Variants in TRAPPC6B observed in about 807,000 individuals in gnomAD.
TRAPPC6B encodes the protein trafficking protein particle complex subunit 6B.
A neutral mutation model predicts 24.7 loss-of-function variants in TRAPPC6B; 27 were observed. That is an observed-to-expected ratio of 1.09 (90% CI 0.81 to 1.51). TRAPPC6B has a LOEUF of 1.51. Among genes scored for constraint, TRAPPC6B ranks in the 40% most tolerant of loss-of-function variants. The pLI is 0.00. For synonymous variants in TRAPPC6B, 80 were observed against 66.6 expected (o/e 1.20, Z -0.98); for missense variants, 212 against 190.8 (o/e 1.11, Z -0.66).
intron 4 of TRAPPC6B, among the ~76,000 whole-genome samples, chr14:39,152,901 C>T (rs1314848362): frequency 1.3e-5 from 2 of 152,300 alleles, no homozygotes; most frequent in African/African-American, 4.8e-5. Flanking sequence ...ATATGCCAGG[C>T]ATGGCCTATA....
intron 1 of TRAPPC6B, among the ~76,000 whole-genome samples, chr14:39,162,781 T>C (rs978155640): frequency 2.6e-5 from 4 of 152,190 alleles, no homozygotes; most frequent in African/African-American, 7.2e-5. Flanking sequence ...AGGCTTGAAA[T>C]AGTACCTCTA....
chr14:39,153,265 AAAAG>A (rs943264466), intron 4 of TRAPPC6B, among the ~76,000 whole-genome samples: 5 of 151,862 alleles, frequency 3.3e-5, no homozygotes, highest in African/African-American at 9.7e-5. Context: ...AAAAAAAAAA[AAAAG>A]AGAGAAAATA....
At chr14:39,152,757 T>C (rs958995071) in intron 4 of TRAPPC6B, among the ~76,000 whole-genome samples, 3 of 152,188 alleles carry the variant, frequency 2.0e-5, no homozygotes, top group South Asian at 2.1e-4. Context: ...TTCTCAAAGA[T>C]GTCCATAACT....
intron 1 of TRAPPC6B, among the ~76,000 whole-genome samples, chr14:39,164,229 C>T (rs553173458): frequency 6.6e-6 from 1 of 152,262 alleles, no homozygotes; most frequent in East Asian, 1.9e-4. Flanking sequence ...GGCATGATGG[C>T]TCACGCCTCC....
chr14:39,166,818 C>A (rs908243808), intron 1 of TRAPPC6B, among the ~76,000 whole-genome samples: 5 of 142,844 alleles, frequency 3.5e-5, no homozygotes, highest in Non-Finnish European at 8.0e-5. Flanking sequence ...GCCCCCACCT[C>A]TGTAACTGCA....
At chr14:39,157,570 C>A in intron 3 of TRAPPC6B, 1 of 384,812 alleles carries the variant, frequency 2.6e-6, no homozygotes, top group South Asian at 2.0e-5. Context: ...TGTCTTCCTG[C>A]CTGCCTTGTG....
At position 39,148,376 on chromosome 14, in the gene TRAPPC6B, A is replaced by G; in HGVS notation, c.*1974T>C. 1 of 305,454 alleles carries G rather than the reference A, an allele frequency of 3.3e-6. No individual in the cohort carries two copies. 18.9% of individuals were successfully genotyped at this position (305,454 alleles called of 1,614,324 possible). ...ATGATTGGCACAGAATCTAATCAAC[A>G]CTCACCCTCTCTAGGCTAGGGAAGC... is the stretch of plus-strand genomic sequence containing the variant. On this transcript the variant is annotated 3_prime_UTR_variant, in exon 6 of 6. Coordinates refer to ENST00000330149, the MANE Select transcript of TRAPPC6B (RefSeq NM_001079537.2).
chr14:39,157,106 CAAAAA>C (rs58837625), intron 3 of TRAPPC6B: 174 of 142,724 alleles, frequency 1.2e-3, no homozygotes, highest in South Asian at 3.6e-3. Flanking sequence ...GACTCCATCT[CAAAAA>C]AAAAAAAAAA....
chr14:39,152,852 C>A (rs1460196556), intron 4 of TRAPPC6B, among the ~76,000 whole-genome samples: 1 of 152,166 alleles, frequency 6.6e-6, no homozygotes, highest in Non-Finnish European at 1.5e-5. Context: ...TAAGTGAGAA[C>A]CAGAAATATT....
chr14:39,147,915 T>C lies in TRAPPC6B; in HGVS notation c.*2435A>G, dbSNP rs1244801019. Reference sequence around the variant, plus strand: ...CATATTCAATTGTCCCATACTAATTTTTGAATAACCTAACTCTCCCTTTGT... The same window carrying C: ...CATATTCAATTGTCCCATACTAATTCTTGAATAACCTAACTCTCCCTTTGT... On this transcript the variant is annotated 3_prime_UTR_variant, in exon 6 of 6. Transcript: ENST00000330149. 2 of 152,210 alleles carry C rather than the reference T, an allele frequency of 1.3e-5. No individual in the cohort carries two copies. The highest frequency in any genetic ancestry group is 1.3e-4 in the Admixed American group (2 of 15,274). 9.4% of individuals were successfully genotyped at this position (152,210 alleles called of 1,614,324 possible). A position where few individuals can be genotyped will look rare whatever the true frequency, so the allele number is the denominator to read the frequency against.
rs1312247679 is a variant in TRAPPC6B, at chr14:39,150,192, T to C, written c.*158A>G. The C allele has an allele frequency of 1.6e-6, 1 of 620,088 alleles. No individual in the cohort carries two copies. The highest frequency in any genetic ancestry group is 2.7e-6 in the Non-Finnish European group (1 of 373,896). 38.4% of individuals were successfully genotyped at this position (620,088 alleles called of 1,614,324 possible). The stretch of plus-strand genomic sequence containing the variant: ...TGGTTAAGTGTATGTCATGGCAGAA[T>C]GTCCCTTCATCTCCTTTGATCTGTG... On this transcript the variant is annotated 3_prime_UTR_variant, in exon 6 of 6. Coordinates refer to ENST00000330149, the MANE Select transcript of TRAPPC6B (RefSeq NM_001079537.2).
intron 1 of TRAPPC6B, among the ~76,000 whole-genome samples, chr14:39,163,792 C>G (rs990152012): frequency 2.6e-5 from 4 of 150,956 alleles, no homozygotes; most frequent in Non-Finnish European, 5.9e-5. Context: ...GTTTCTAGTA[C>G]AGACTTTATT....
intron 1 of TRAPPC6B, among the ~76,000 whole-genome samples, chr14:39,164,047 T>A (rs2053083671): frequency 6.6e-6 from 1 of 151,792 alleles, no homozygotes; most frequent in Non-Finnish European, 1.5e-5. Context: ...TCATCGTCTC[T>A]CTCTACCCTT....
At chr14:39,162,241 G>A (rs546135093) in intron 1 of TRAPPC6B, among the ~76,000 whole-genome samples, 2 of 152,180 alleles carry the variant, frequency 1.3e-5, no homozygotes, top group African/African-American at 4.8e-5. Flanking sequence ...GTTCATTGAA[G>A]CTTTAAATTC....
intron 3 of TRAPPC6B, 34 bp downstream of exon 3, chr14:39,158,251 A>C: frequency 1.8e-6 from 2 of 1,124,660 alleles, no homozygotes; most frequent in Non-Finnish European, 1.3e-6. Context: ...AAGTTAAAGG[A>C]CTTTAAAATA....
chr14:39,168,031 G>T (rs376187576), intron 1 of TRAPPC6B, among the ~76,000 whole-genome samples: 2 of 152,114 alleles, frequency 1.3e-5, no homozygotes. Flanking sequence ...CTGGTCAACA[G>T]GGTGAAACTC....
chr14:39,152,645 T>G (rs1343746230), intron 4 of TRAPPC6B, among the ~76,000 whole-genome samples: 1 of 152,198 alleles, frequency 6.6e-6, no homozygotes, highest in Non-Finnish European at 1.5e-5. Context: ...GGAAGAGGCC[T>G]TAGAGATTGT....
rs981313248 is a variant in TRAPPC6B, at chr14:39,150,027, C to T, written c.*323G>A. On this transcript the variant is annotated 3_prime_UTR_variant, in exon 6 of 6. Coordinates refer to ENST00000330149, the MANE Select transcript of TRAPPC6B (RefSeq NM_001079537.2). The stretch of plus-strand genomic sequence containing the variant: ...TGTTGGTACATAATTTTCTCTCATG[C>T]TAATTCAACAAACCCTGAGCTTTGT... 16 of 204,920 alleles carry T rather than the reference C, an allele frequency of 7.8e-5. No homozygotes were observed. Among genetic ancestry groups the T allele is most frequent in the African/African-American group, 3.4e-4 (15 of 43,594 alleles). The allele number at this position is 204,920 out of a possible 1,614,324, so 12.7% of individuals were successfully genotyped here.
intron 2 of TRAPPC6B, 38 bp from the exon 3 acceptor site, chr14:39,158,440 T>C (rs761663771): frequency 1.6e-6 from 2 of 1,255,634 alleles, no homozygotes; most frequent in Non-Finnish European, 2.3e-6. Context: ...GTATTTCTCC[T>C]CCAAAAAAAG....
Sources: allele counts gnomAD v4.1 joint callset (sites outside exome capture counted in the v4.1 genomes callset), GRCh38; gene constraint gnomAD v4.1.1; transcripts MANE v1.5; gene names NCBI Gene and HGNC (gene_info 2026-07-23, HGNC 2026-07-21).